Variants in ZNF638 observed in about 807,000 individuals in gnomAD.
The protein encoded by ZNF638 is CTCL tumor antigen se33-1.
Under a neutral mutation model 195.6 loss-of-function variants are expected in ZNF638, and 46 were observed. The ratio of observed to expected loss-of-function variants is 0.24; its 90% confidence interval spans 0.19 to 0.30. The LOEUF is 0.30. Ranked by LOEUF, ZNF638 falls within the 10% of genes least tolerant of loss-of-function variation. The probability of loss-of-function intolerance (pLI) is 1.00; values close to 1 mark genes in which losing one functional copy is unlikely to be tolerated. For synonymous variants in ZNF638, 845 were observed against 772.0 expected, an observed-to-expected ratio of 1.09 and a Z score of -1.57; for missense variants, 2,440 against 2,325.3, an observed-to-expected ratio of 1.05 and a Z score of -1.01.
chr2:71,395,027 A>G (rs549252420), intron 10 of ZNF638, among the ~76,000 whole-genome samples: 1 of 152,184 alleles, frequency 6.6e-6, no homozygotes, highest in South Asian at 2.1e-4. Context: ...AGGTGAAACA[A>G]CACCTCGGGG....
rs1252097272 is a variant in ZNF638 at position 71,350,398 on chromosome 2, C to G, written c.1317+127C>G. On this transcript the variant is annotated intron_variant, in intron 2 of 27. Transcript: ENST00000264447. ...GGCAGAAGGTAATTTTAATTGCAAC[C>G]TCAATACATAGTTGTAATCTTAAGT... The G allele has an allele frequency of 2.1e-5, 20 of 936,046 alleles. No individual in the cohort carries two copies. In the East Asian group the frequency reaches 4.8e-4, roughly 23 times the overall value. The allele number at this position is 936,046 out of a possible 1,614,324, so 58.0% of individuals were successfully genotyped here. A position where few individuals can be genotyped will look rare whatever the true frequency, so the allele number is the denominator to read the frequency against.
At chr2:71,389,806 C>T (rs1047716830) in intron 10 of ZNF638, among the ~76,000 whole-genome samples, 1 of 152,168 alleles carries the variant, frequency 6.6e-6, no homozygotes, top group Non-Finnish European at 1.5e-5. Flanking sequence ...TTAGTCATCC[C>T]CAGGCCGCTG....
At chr2:71,405,574 C>T in intron 17 of ZNF638, 27 bp from the exon 18 acceptor site, 1 of 1,450,786 alleles carries the variant, frequency 6.9e-7, no homozygotes, top group Non-Finnish European at 9.5e-7. Flanking sequence ...CTTATACCAT[C>T]AACCTTTATC....
intron 10 of ZNF638, chr2:71,393,594 GAC>G (rs1265310751): frequency 1.4e-6 from 1 of 718,082 alleles, no homozygotes; most frequent in Non-Finnish European, 2.6e-6. Context: ...TCCTGCTCCA[GAC>G]ACAGAAACCA....
chr2:71,388,404 C>T (rs2542528), intron 10 of ZNF638: 61,824 of 657,028 alleles, frequency 0.094, 3,480 homozygotes, highest in East Asian at 0.17. Context: ...TTTGATCATC[C>T]GCGTGCAGGA....
rs960171848 is a variant in ZNF638, at chr2:71,424,035, T to C, written c.4521T>C (p.Asn1507=). 2.5e-6 allele frequency: 4 copies of C among 1,612,736 alleles called. No individual in the cohort carries two copies. Among genetic ancestry groups the C allele is most frequent in the Non-Finnish European group, 3.4e-6 (4 of 1,179,268 alleles). ...PSIMKRDDSN[N]KTLAEQNTKN... is the part of the protein sequence containing the mutation. ...TCATGAAACGGGATGACAGCAACAA[T>C]AAGGTGAGGAGGGTAGGAAGAATGG... Residue 1507 remains asparagine (N), a synonymous_variant, in exon 22 of 28, where the codon AAT becomes AAC. Coordinates refer to ENST00000264447, the MANE Select transcript of ZNF638 (RefSeq NM_014497.5).
chr2:71,337,515 C>T (rs149588586), intron 1 of ZNF638, among the ~76,000 whole-genome samples: 108 of 152,194 alleles, frequency 7.1e-4, no homozygotes, highest in African/African-American at 1.5e-3. Context: ...TGGGCTCAAG[C>T]GATCCTCCCA....
At chr2:71,425,711 C>T (rs1484325770) in intron 23 of ZNF638, among the ~76,000 whole-genome samples, 1 of 152,056 alleles carries the variant, frequency 6.6e-6, no homozygotes, top group Non-Finnish European at 1.5e-5. Flanking sequence ...CTCCTGTCCC[C>T]CAGGCTGGAG....
chr2:71,418,347 T>G (rs2080348066), intron 20 of ZNF638: 2 of 293,436 alleles, frequency 6.8e-6, no homozygotes, highest in African/African-American at 4.3e-5. Flanking sequence ...TAATAAAGTT[T>G]CTTATTTATA....
intron 10 of ZNF638, chr2:71,388,723 A>G (rs1461578802): frequency 2.5e-6 from 3 of 1,192,542 alleles, no homozygotes; most frequent in Admixed American, 3.4e-5. Flanking sequence ...CTGTGCAGTC[A>G]GTAAGTCATT....
At chr2:71,338,584 AAG>A (rs143001318) in intron 1 of ZNF638, among the ~76,000 whole-genome samples, 114 of 152,328 alleles carry the variant, frequency 7.5e-4, no homozygotes, top group African/African-American at 2.4e-3. Flanking sequence ...AATTACTAAA[AAG>A]AGTGAAAATT....
At position 71,424,010 on chromosome 2, in the gene ZNF638, T is replaced by A; in HGVS notation, c.4496T>A (p.Ile1499Asn). Residue 1499 changes from isoleucine (I) to asparagine (N), a missense_variant, in exon 22 of 28, where the codon ATC becomes AAC. This residue lies in a region of ZNF638 where 1,883 missense variants were observed against 1,739.1 expected (regional missense o/e 1.08). Transcript: ENST00000264447. ...CAGGAAACAGAGGCTAGACCTTCCA[T>A]CATGAAACGGGATGACAGCAACAAT... Reference protein sequence around the residue: ...QSQETEARPSIMKRDDSNNKT... With the variant: ...QSQETEARPSNMKRDDSNNKT... The A allele has an allele frequency of 6.2e-7, 1 of 1,613,854 alleles. No individual in the cohort carries two copies.
At chr2:71,421,142 AATGAGG>A (rs2080423849) in intron 21 of ZNF638, among the ~76,000 whole-genome samples, 1 of 152,124 alleles carries the variant, frequency 6.6e-6, no homozygotes. Context: ...GCAGTACAGT[AATGAGG>A]CAGGAATTTG....
At chr2:71,369,347 T>C (rs2079266492) in intron 7 of ZNF638, among the ~76,000 whole-genome samples, 1 of 146,010 alleles carries the variant, frequency 6.8e-6, no homozygotes, top group African/African-American at 2.5e-5. Flanking sequence ...AAAAAAGTTT[T>C]GTGAGTTAAG....
At chr2:71,428,851 A>G (rs1250004226) in intron 25 of ZNF638, 200 bp downstream of exon 25, 1 of 425,332 alleles carries the variant, frequency 2.4e-6, no homozygotes, top group Non-Finnish European at 4.2e-6. Context: ...TTAGAATGTG[A>G]CAGATTAGAG....
chr2:71,422,236 A>G lies in ZNF638; in HGVS notation c.3300-578A>G, dbSNP rs371294500. Among the ~76,000 whole-genome samples the G allele has an allele frequency of 4.2e-4, 64 of 152,222 alleles. No individual in the cohort carries two copies. In the South Asian group the frequency reaches 0.013, roughly 30 times the overall value. On this transcript the variant is annotated intron_variant, in intron 21 of 27. Coordinates refer to ENST00000264447, the MANE Select transcript of ZNF638 (RefSeq NM_014497.5). The stretch of plus-strand genomic sequence containing the variant: ...GTATATAAAGAATACTTTCCAAATA[A>G]TGTTCTAAGTATTATCATTAATAAA...
intron 10 of ZNF638, among the ~76,000 whole-genome samples, chr2:71,384,198 C>T (rs1045479597): frequency 6.6e-6 from 1 of 152,156 alleles, no homozygotes; most frequent in Non-Finnish European, 1.5e-5. Flanking sequence ...ATGCCTGTAA[C>T]TCCTTTTAAT....
intron 23 of ZNF638, 23 bp downstream of exon 23, chr2:71,424,738 TA>T: frequency 3.2e-6 from 5 of 1,583,908 alleles, no homozygotes; most frequent in Non-Finnish European, 4.3e-6. Context: ...TCACAGACCC[TA>T]ACCCTTCTTT....
intron 11 of ZNF638, among the ~76,000 whole-genome samples, chr2:71,397,939 A>G (rs976899493): frequency 6.6e-6 from 1 of 152,214 alleles, no homozygotes; most frequent in Non-Finnish European, 1.5e-5. Flanking sequence ...TGACCTGACT[A>G]TGATATAAGT....
Sources: gnomAD v4.1 joint callset for allele counts (sites outside exome capture counted in the v4.1 genomes callset) on GRCh38, gnomAD v4.1.1 for gene constraint, gnomAD v4.1.1 regional missense constraint, MANE v1.5 for transcripts, NCBI Gene and HGNC (gene_info 2026-07-23, HGNC 2026-07-21) for gene names.